Variants in RHPN1 observed in about 807,000 individuals in gnomAD.
The protein encoded by RHPN1 is rhophilin-1.
RHPN1 carries 77 observed loss-of-function variants against 74.7 expected under a neutral mutation model. The ratio of observed to expected loss-of-function variants is 1.03; its 90% CI spans 0.86 to 1.25. RHPN1 has a LOEUF of 1.25. Among genes scored for constraint, RHPN1 ranks in the 50% most tolerant of loss-of-function variants. The probability of loss-of-function intolerance (pLI) is 0.00; values close to 1 mark genes in which losing one functional copy is unlikely to be tolerated. For synonymous variants in RHPN1, 444 were observed against 414.5 expected (o/e 1.07, Z -0.87); for missense variants, 987 against 932.2 (o/e 1.06, Z -0.77).
upstream of RHPN1, chr8:143,367,607 C>T (rs1440373882): frequency 6.6e-6 from 1 of 152,216 alleles, no homozygotes; most frequent in African/African-American, 2.4e-5. Context: ...CTGCGGCAGA[C>T]CACGGAGCTT....
chr8:143,378,800 C>T lies in RHPN1; in HGVS notation c.564C>T (p.Ser188=), dbSNP rs1468498972. 1 of 1,565,154 alleles carries T rather than the reference C, an allele frequency of 6.4e-7. No individual in the cohort carries two copies. Among genetic ancestry groups the T allele is most frequent in the East Asian group, 2.4e-5 (1 of 41,774 alleles). ...LDARFLTPAR[S]LGLFFHWYDS... ...CGCGCTTCCTCACCCCTGCCAGGAG[C>T]CTCGGGCTCTTCTTCCACTGGTAGG... Residue 188 remains serine, a synonymous_variant, in exon 6 of 15, where the codon AGC becomes AGT. Coordinates refer to ENST00000289013, the MANE Select transcript of RHPN1 (RefSeq NM_052924.3).
In RHPN1 at chr8:143,377,398, C is replaced by T. The variant is rs1009002701; in HGVS notation, c.324C>T (p.Pro108=). 2 of 1,613,406 alleles carry T rather than the reference C, an allele frequency of 1.2e-6. No homozygotes were observed. Residue 108 remains proline (P), a synonymous_variant, in exon 4 of 15, where the codon CCC becomes CCT. Transcript: ENST00000289013. ...GTTACAGCGAAGCTGTCACTGTCCC[C>T]ATGATCCCCCTGGGCCTGAAGGAGA... The part of the protein sequence containing the change: ...GRHGSEAVTV[P]MIPLGLKETK...
Position 143,380,664 on chromosome 8 carries a change from G to A in RHPN1, c.1292G>A (p.Arg431His), listed in dbSNP as rs377533268. The change falls in exon 11 of 15, where the codon CGC becomes CAC. Residue 431 changes from arginine (R) to histidine (H), a missense_variant. Physicochemically the swap from Arg to His is conservative, Grantham distance 29 (BLOSUM62 0). Coordinates refer to ENST00000289013, the MANE Select transcript of RHPN1 (RefSeq NM_052924.3). ...CTGCACGCCCTGTGCCGCGTCCTGCGCGAGGTGGACCTGCTTCGGGCTGTG... is the reference window on the plus strand; with the variant it reads ...CTGCACGCCCTGTGCCGCGTCCTGCACGAGGTGGACCTGCTTCGGGCTGTG... The part of the protein sequence containing the change: ...LRLHALCRVL[R>H]EVDLLRAVIS... The A allele has an allele frequency of 5.0e-5, 78 of 1,572,930 alleles. No homozygotes were observed. Among genetic ancestry groups the A allele is most frequent in the Middle Eastern group, 1.7e-4 (1 of 5,960 alleles).
upstream of RHPN1, chr8:143,368,488 G>A (rs1193111121): frequency 1.3e-5 from 2 of 152,536 alleles, no homozygotes; most frequent in African/African-American, 4.8e-5. Flanking sequence ...GACTCCTGGA[G>A]TCCCCGCAAA....
intron 1 of RHPN1, among the ~76,000 whole-genome samples, chr8:143,372,730 G>T (rs1399117200): frequency 6.6e-6 from 1 of 151,176 alleles, no homozygotes; most frequent in Non-Finnish European, 1.5e-5. Flanking sequence ...TGGGTGTCCA[G>T]GGGATGGTGC....
chr8:143,370,544 G>A (rs1817756690), intron 1 of RHPN1, among the ~76,000 whole-genome samples: 1 of 152,252 alleles, frequency 6.6e-6, no homozygotes, highest in Non-Finnish European at 1.5e-5. Flanking sequence ...CCACACCTGG[G>A]CCTGAGGCCC....
chr8:143,377,354 T>C, intron 3 of RHPN1, 26 bp from the exon 4 acceptor site: 1 of 1,603,130 alleles, frequency 6.2e-7, no homozygotes, highest in Non-Finnish European at 8.5e-7. Context: ...GGCCTTACAG[T>C]CTGAAGTCGA....
At position 143,378,947 on chromosome 8, in the gene RHPN1, G is replaced by A. The variant is rs757250054; in HGVS notation, c.620G>A (p.Arg207His). The change falls in exon 7 of 15, where the codon CGT becomes CAT. Residue 207 changes from arginine (R) to histidine (H), a missense_variant. Transcript: ENST00000289013. ...CTTACTGGGGTCCCGGCCCAGCAGC[G>A]TGCCCTGGCCTTCGAGAAGGGCAGC... is the stretch of plus-strand genomic sequence containing the variant. ...DSLTGVPAQQ[R>H]ALAFEKGSVL... 51 of 1,578,622 alleles carry A rather than the reference G, an allele frequency of 3.2e-5. No homozygotes were observed. The highest frequency in any genetic ancestry group is 2.4e-4 in the South Asian group (21 of 85,996).
At position 143,382,616 on chromosome 8, in the gene RHPN1, C is replaced by G; in HGVS notation, c.1978C>G (p.Pro660Ala). 6 of 1,610,706 alleles carry G rather than the reference C, an allele frequency of 3.7e-6. No homozygotes were observed. The highest frequency in any genetic ancestry group is 5.1e-6 in the Non-Finnish European group (6 of 1,179,730). Reference protein sequence around the residue: ...PQPCAPVKPAPPSSLKHPGWP With the variant: ...PQPCAPVKPAAPSSLKHPGWP ...GCCCTGTGCCCCAGTGAAGCCAGCT[C>G]CGCCCTCATCCTTGAAGCACCCAGG... Residue 660 changes from proline (P) to alanine (A), a missense_variant, in exon 15 of 15, where the codon CCG becomes GCG. Transcript: ENST00000289013.
chr8:143,378,116 G>A lies in RHPN1; in HGVS notation c.382-153G>A, dbSNP rs560229566. On this transcript the variant is annotated intron_variant, in intron 4 of 14. Coordinates refer to ENST00000289013, the MANE Select transcript of RHPN1 (RefSeq NM_052924.3). The stretch of plus-strand genomic sequence containing the variant: ...CCCTTCTCTGGGGCTTCCACTGAGG[G>A]GCCCAGGGCCCCCACGCTGCATGGC... Among the ~76,000 whole-genome samples the A allele has an allele frequency of 2.7e-4, 41 of 152,316 alleles. 1 individual carries two copies. The South Asian group carries it at 8.1e-3, about 30-fold the overall frequency.
chr8:143,381,943 T>C lies in RHPN1; in HGVS notation c.1772T>C (p.Leu591Pro), dbSNP rs751132878. The change falls in exon 14 of 15, where the codon CTG (leucine) becomes CCG (proline). Residue 591 changes from leucine (L) to proline (P), a missense_variant. Coordinates refer to ENST00000289013, the MANE Select transcript of RHPN1 (RefSeq NM_052924.3). Reference sequence around the variant, plus strand: ...GCCAGCCTGCAGGTGGTGTCGCTGCTGCCCAGCTCTAGACTGCCCAGCTTG... The same window carrying C: ...GCCAGCCTGCAGGTGGTGTCGCTGCCGCCCAGCTCTAGACTGCCCAGCTTG... ...AGASLQVVSL[L>P]PSSRLPSLGD... 2 of 1,606,710 alleles carry C rather than the reference T, an allele frequency of 1.2e-6. No homozygotes were observed. The highest frequency in any genetic ancestry group is 2.2e-5 in the South Asian group (2 of 90,022).
intron 1 of RHPN1, among the ~76,000 whole-genome samples, chr8:143,375,350 G>A (rs1818141409): frequency 1.3e-5 from 2 of 152,218 alleles, no homozygotes; most frequent in South Asian, 4.1e-4. Flanking sequence ...CTTCTGCATT[G>A]ACTGCCTCCT....
chr8:143,380,773 G>A lies in RHPN1; in HGVS notation c.1401G>A (p.Pro467=), dbSNP rs35113789. The stretch of plus-strand genomic sequence containing the variant: ...ACTTCTGTGAGGCTGCCGAGGCCCC[G>A]GACATCCAGCGTGAGCAGCCAGGGC... The part of the protein sequence containing the change: ...EDDFCEAAEA[P]DIQPKTHQKP... The change falls in exon 11 of 15, where the codon CCG becomes CCA. Residue 467 remains proline (P), a synonymous_variant. Coordinates refer to ENST00000289013, the MANE Select transcript of RHPN1 (RefSeq NM_052924.3). The A allele has an allele frequency of 2.6e-3, 4,040 of 1,574,108 alleles. 81 individuals carry two copies. The African/African-American group carries it at 0.047, about 18-fold the overall frequency.
At position 143,381,828 on chromosome 8, in the gene RHPN1, G is replaced by C. The variant is rs770478690; in HGVS notation, c.1657G>C (p.Asp553His). ...QAAAAGLKEG[D>H]YIVSVNGQPC... is the part of the protein sequence containing the mutation. ...ACAGGCGGCTGGCCTGAAGGAGGGC[G>C]ACTACATTGTGTCAGTGAATGGGCA... The change falls in exon 14 of 15, where the codon GAC becomes CAC. Residue 553 changes from aspartate (D) to histidine (H), a missense_variant. Physicochemically the swap from Asp to His is moderately conservative, Grantham distance 81. Coordinates refer to ENST00000289013, the MANE Select transcript of RHPN1 (RefSeq NM_052924.3). 6.2e-7 allele frequency: 1 copy of C among 1,612,914 alleles called. No homozygotes were observed. Among genetic ancestry groups the C allele is most frequent in the Admixed American group, 1.7e-5 (1 of 59,976 alleles).
chr8:143,369,938 T>A (rs1214505496), intron 1 of RHPN1, among the ~76,000 whole-genome samples: 2 of 152,202 alleles, frequency 1.3e-5, no homozygotes, highest in Non-Finnish European at 2.9e-5. Context: ...TGGCTTCAGG[T>A]CACTGGGCTG....
Position 143,375,589 on chromosome 8 carries a change from C to G in RHPN1, c.97C>G (p.Leu33Val). Residue 33 changes from leucine to valine, a missense_variant, in exon 2 of 15, where the codon CTG becomes GTG. Coordinates refer to ENST00000289013, the MANE Select transcript of RHPN1 (RefSeq NM_052924.3). The stretch of plus-strand genomic sequence containing the variant: ...CCTGACGCAGATCCAGTGCGGCCAG[C>G]TGCAGAGCCGCAGGGCCCAGATTCA... ...DSLTQIQCGQ[L>V]QSRRAQIHQQ... The G allele has an allele frequency of 6.2e-7, 1 of 1,606,300 alleles. No homozygotes were observed. The highest frequency in any genetic ancestry group is 8.5e-7 in the Non-Finnish European group (1 of 1,177,534).
In RHPN1 at chr8:143,381,685, C is replaced by T. The variant is rs1230286072; in HGVS notation, c.1602C>T (p.Leu534=). Residue 534 remains leucine, a synonymous_variant, in exon 13 of 15, where the codon CTC becomes CTT. Transcript: ENST00000289013. ...CGCTTCGGGGAGACTCGCCTGTCCT[C>T]ATCGCTGCCGTCATTCCAGGGAGCC... is the stretch of plus-strand genomic sequence containing the variant. ...GLTLRGDSPV[L]IAAVIPGSQA... 4 of 1,611,522 alleles carry T rather than the reference C, an allele frequency of 2.5e-6. No homozygotes were observed. Among genetic ancestry groups the T allele is most frequent in the Non-Finnish European group, 3.4e-6 (4 of 1,179,436 alleles).
intron 1 of RHPN1, among the ~76,000 whole-genome samples, chr8:143,370,783 G>A (rs776698279): frequency 2.6e-5 from 4 of 152,252 alleles, no homozygotes; most frequent in Non-Finnish European, 4.4e-5. Flanking sequence ...CCCAGCTGCC[G>A]TCCCTCCCGC....
At chr8:143,376,028 G>T (rs1818193948) in intron 2 of RHPN1, among the ~76,000 whole-genome samples, 1 of 152,236 alleles carries the variant, frequency 6.6e-6, no homozygotes, top group South Asian at 2.1e-4. Flanking sequence ...GGAAGACCTG[G>T]GCTGCCTCTT....
Sources: allele counts gnomAD v4.1 joint callset (sites outside exome capture counted in the v4.1 genomes callset), GRCh38; gene constraint gnomAD v4.1.1; transcripts MANE v1.5; gene names NCBI Gene and HGNC (gene_info 2026-07-23, HGNC 2026-07-21).